The following WWTR1 variants were observed in gnomAD, a reference collection of about 807,000 sequenced individuals.
WWTR1 encodes WW domain containing transcription regulator 1.
Under a neutral mutation model 40.1 loss-of-function variants are expected in WWTR1, and 13 were observed. The ratio of observed to expected loss-of-function variants is 0.32; its 90% CI spans 0.21 to 0.52. WWTR1 has a LOEUF of 0.52. Ranked by LOEUF, WWTR1 falls within the 20% of genes least tolerant of loss-of-function variation. The probability of loss-of-function intolerance (pLI) is 0.97; values close to 1 mark genes in which losing one functional copy is unlikely to be tolerated. For missense variants in WWTR1, 436 were observed against 523.1 expected (o/e 0.83, Z 1.63); for synonymous variants, 230 against 210.1 (o/e 1.09, Z -0.82).
chr3:149,568,523 CAAAAAAAAAAAAAAAAAAAAA>C lies in WWTR1; in HGVS notation c.568+4320_568+4340del, dbSNP rs34414853. 3.6e-3 allele frequency among the ~76,000 whole-genome samples: 235 copies of C among 64,812 alleles called. 6 individuals carry two copies. The East Asian group carries it at 0.085, about 23-fold the overall frequency. The allele number at this position is 64,812 out of a possible 152,430, so 42.5% of individuals were successfully genotyped here. A position where few individuals can be genotyped will look rare whatever the true frequency, so the allele number is the denominator to read the frequency against. On this transcript the variant is annotated intron_variant, in intron 3 of 6. Transcript: ENST00000360632. ...GGAGATGGCTATTTGAATTAAAGTG[CAAAAAAAAAAAAAAAAAAAAA>C]AAAAAAAAAAAAAAAACCATATTTT... is the stretch of plus-strand genomic sequence containing the variant.
chr3:149,720,660 A>C (rs1039869661), intron 4 of WWTR1, among the ~76,000 whole-genome samples: 7 of 152,144 alleles, frequency 4.6e-5, no homozygotes, highest in East Asian at 1.9e-4. Context: ...CAAAAAAAAA[A>C]CCTACTTGTT....
At chr3:149,568,383 A>G (rs781193294) in intron 3 of WWTR1, among the ~76,000 whole-genome samples, 1 of 152,128 alleles carries the variant, frequency 6.6e-6, no homozygotes, top group East Asian at 1.9e-4. Flanking sequence ...TTTATTGCAT[A>G]TGTCTGGGAA....
intron 2 of WWTR1, among the ~76,000 whole-genome samples, chr3:149,640,072 C>A (rs1179483518): frequency 1.3e-5 from 2 of 151,352 alleles, no homozygotes; most frequent in African/African-American, 4.9e-5. Flanking sequence ...TACACAGGGG[C>A]ACTAACATGA....
At chr3:149,657,530 G>T in intron 1 of WWTR1, 1 of 581,320 alleles carries the variant, frequency 1.7e-6, no homozygotes. Context: ...CTTTCTTGAA[G>T]CAAAGAAGTT....
intron 3 of WWTR1, among the ~76,000 whole-genome samples, chr3:149,555,251 G>A (rs1560057820): frequency 6.6e-6 from 1 of 152,138 alleles, no homozygotes; most frequent in Non-Finnish European, 1.5e-5. Context: ...TGCCCTTTTA[G>A]TAAACATCTT....
chr3:149,527,451 A>G (rs1218302720), intron 5 of WWTR1, among the ~76,000 whole-genome samples: 1 of 152,172 alleles, frequency 6.6e-6, no homozygotes, highest in Non-Finnish European at 1.5e-5. Context: ...CTGGCCGAAC[A>G]TAATCTCTTA....
intron 2 of WWTR1, among the ~76,000 whole-genome samples, chr3:149,597,019 A>G (rs1269254307): frequency 6.6e-6 from 1 of 152,196 alleles, no homozygotes; most frequent in Non-Finnish European, 1.5e-5. Context: ...TTAGGACACA[A>G]TGATCTACTC....
At position 149,709,748 on chromosome 3, in the gene WWTR1, T is replaced by C. The variant is rs200686673; in HGVS notation, n.585-6420A>G. On this transcript the variant is annotated intron_variant and non_coding_transcript_variant, in intron 5 of 6. Coordinates refer to the WWTR1 transcript ENST00000474080. Reference sequence around the variant, plus strand: ...GGTGAAATCCTGTCTCTACTAAAAATACAAAATTAGCCGGGTGTGGTGGAA... The same window carrying C: ...GGTGAAATCCTGTCTCTACTAAAAACACAAAATTAGCCGGGTGTGGTGGAA... Among the ~76,000 whole-genome samples the C allele has an allele frequency of 1.4e-4, 22 of 152,082 alleles. No individual in the cohort carries two copies. In the East Asian group the frequency reaches 3.9e-3, roughly 27 times the overall value.
chr3:149,703,243 G>C (rs1212260388), exon 1 of WWTR1: 1 of 152,332 alleles, frequency 6.6e-6, no homozygotes, highest in East Asian at 1.9e-4. Context: ...CCTTGTGTTT[G>C]GGAGTCTCTG....
chr3:149,655,525 A>T (rs2108160147), intron 2 of WWTR1, among the ~76,000 whole-genome samples: 2 of 152,354 alleles, frequency 1.3e-5, no homozygotes, highest in East Asian at 3.9e-4. Context: ...GCTACTTAGA[A>T]GTCAAAGGAC....
upstream of WWTR1, among the ~76,000 whole-genome samples, chr3:149,661,534 G>A (rs1053824673): frequency 6.6e-6 from 1 of 151,474 alleles, no homozygotes; most frequent in African/African-American, 2.4e-5. Context: ...TGATTCTTGT[G>A]CCTCAGCCTC....
At chr3:149,655,734 A>G (rs1713172590) in intron 2 of WWTR1, among the ~76,000 whole-genome samples, 1 of 152,260 alleles carries the variant, frequency 6.6e-6, no homozygotes, top group Non-Finnish European at 1.5e-5. Context: ...GGCTCACTAT[A>G]GTAAACTTCA....
intron 2 of WWTR1, among the ~76,000 whole-genome samples, chr3:149,643,723 C>T (rs1172076242): frequency 1.3e-5 from 2 of 152,076 alleles, no homozygotes; most frequent in Non-Finnish European, 2.9e-5. Context: ...TACCTCAGGC[C>T]CTGTTATGAC....
intron 2 of WWTR1, among the ~76,000 whole-genome samples, chr3:149,599,919 T>C (rs1216989825): frequency 6.6e-6 from 1 of 152,140 alleles, no homozygotes; most frequent in Non-Finnish European, 1.5e-5. Context: ...TCAACCAACA[T>C]TGGCCTGAAA....
intron 1 of WWTR1, among the ~76,000 whole-genome samples, chr3:149,674,753 G>A (rs1714206633): frequency 6.6e-6 from 1 of 152,122 alleles, no homozygotes; most frequent in South Asian, 2.1e-4. Context: ...CTTTGGTTAA[G>A]CAAAAGAGGT....
At position 149,545,640 on chromosome 3, in the gene WWTR1, G is replaced by A. The variant is rs571738067; in HGVS notation, c.569-3103C>T. Among the ~76,000 whole-genome samples the A allele has an allele frequency of 5.5e-4, 84 of 152,224 alleles. 1 individual carries two copies. Among genetic ancestry groups the A allele is most frequent in the Non-Finnish European group, 9.6e-4 (65 of 68,004 alleles). On this transcript the variant is annotated intron_variant, in intron 3 of 6. Coordinates refer to ENST00000360632, the MANE Select transcript of WWTR1 (RefSeq NM_015472.6). ...GGTTTCAAGAGATTCTCCTGTCTTA[G>A]CCTCCCGAGTAGCTAGGATTACAGT...
intron 3 of WWTR1, among the ~76,000 whole-genome samples, chr3:149,561,497 C>T (rs1277864559): frequency 6.6e-6 from 1 of 152,164 alleles, no homozygotes; most frequent in Non-Finnish European, 1.5e-5. Flanking sequence ...GTTTTAAAAA[C>T]TTTAAATGTA....
At chr3:149,524,508 C>T (rs543235748) in intron 6 of WWTR1, among the ~76,000 whole-genome samples, 3 of 151,802 alleles carry the variant, frequency 2.0e-5, no homozygotes, top group African/African-American at 7.3e-5. Context: ...AAATCTCACA[C>T]TCAAAAAGCA....
chr3:149,524,549 G>C (rs1735203316), intron 6 of WWTR1, among the ~76,000 whole-genome samples: 1 of 152,074 alleles, frequency 6.6e-6, no homozygotes, highest in Admixed American at 6.5e-5. Context: ...AGGGGGTGGT[G>C]GTGGGGGAAG....
Sources: gnomAD v4.1 joint callset for allele counts (sites outside exome capture counted in the v4.1 genomes callset) on GRCh38, gnomAD v4.1.1 for gene constraint, MANE v1.5 for transcripts, NCBI Gene and HGNC (gene_info 2026-07-23, HGNC 2026-07-21) for gene names.